The following KIF21A variants were observed in gnomAD, a reference collection of about 807,000 sequenced individuals.
KIF21A encodes the protein kinesin family member 21A, also known as kinesin-like protein KIF21A.
KIF21A carries 114 observed loss-of-function variants against 202.9 expected under a neutral mutation model. The observed-to-expected ratio is 0.56, with a 90% CI of 0.48 to 0.66. The LOEUF (loss-of-function observed/expected upper bound fraction) is 0.66. Ranked by LOEUF, KIF21A falls within the 30% of genes least tolerant of loss-of-function variation. The pLI is 0.00. For missense variants in KIF21A, 1,677 were observed against 1,994.9 expected (o/e 0.84, Z 3.04); for synonymous variants, 667 against 670.8 (o/e 0.99, Z 0.09).
At position 39,320,850 on chromosome 12, in the gene KIF21A, G is replaced by A. The variant is rs138201758; in HGVS notation, c.3672-837C>T. On this transcript the variant is annotated intron_variant, in intron 27 of 37. Coordinates refer to ENST00000361418, the MANE Select transcript of KIF21A (RefSeq NM_001173464.2). ...CTTGGGAGGCTGAGGCAGGAGAATC[G>A]CTTGAAGCCAGGAGGCAGAGACTGC... Among the ~76,000 whole-genome samples, 80 of 142,378 alleles carry A rather than the reference G, an allele frequency of 5.6e-4. No homozygotes were observed. In the East Asian group the frequency reaches 0.015, roughly 27 times the overall value. The allele number at this position is 142,378 out of a possible 152,430, so 93.4% of individuals were successfully genotyped here.
chr12:39,390,782 C>T (rs1460076231), intron 1 of KIF21A, among the ~76,000 whole-genome samples: 1 of 152,056 alleles, frequency 6.6e-6, no homozygotes, highest in Non-Finnish European at 1.5e-5. Flanking sequence ...TCAACAAGTG[C>T]CTACCATATA....
chr12:39,335,699 A>G lies in KIF21A; in HGVS notation c.2418+1397T>C, dbSNP rs540674901. The stretch of plus-strand genomic sequence containing the variant: ...TAATTATATCTCAACTTTTAAAACA[A>G]TAACAAAAAAAGAATAGGCAATATG... On this transcript the variant is annotated intron_variant, in intron 17 of 37. Transcript: ENST00000361418. Among the ~76,000 whole-genome samples, 150 of 152,366 alleles carry G rather than the reference A, an allele frequency of 9.8e-4. 1 individual carries two copies. The highest frequency in any genetic ancestry group is 3.4e-3 in the Middle Eastern group (1 of 294).
At chr12:39,312,481 T>C (rs1053153261) in intron 31 of KIF21A, 2 of 151,854 alleles carry the variant, frequency 1.3e-5, no homozygotes, top group Non-Finnish European at 2.9e-5. Flanking sequence ...TGACTATAGT[T>C]GATAATAATT....
chr12:39,342,547 T>C (rs2138426850), intron 12 of KIF21A, among the ~76,000 whole-genome samples: 1 of 152,338 alleles, frequency 6.6e-6, no homozygotes, highest in South Asian at 2.1e-4. Flanking sequence ...TTTTCACTGA[T>C]GTCCTAATAC....
At chr12:39,303,233 G>T in intron 35 of KIF21A, 98 bp from the exon 36 acceptor site, 13 of 951,254 alleles carry the variant, frequency 1.4e-5, no homozygotes, top group South Asian at 2.8e-5. Flanking sequence ...ATGTTAATCA[G>T]ACATGACTTG....
chr12:39,331,510 G>A (rs966178534), intron 22 of KIF21A, among the ~76,000 whole-genome samples, 180 bp downstream of exon 22: 2 of 152,132 alleles, frequency 1.3e-5, no homozygotes, highest in African/African-American at 4.8e-5. Flanking sequence ...ACATGCTAAT[G>A]AAATTGATCT....
At position 39,309,367 on chromosome 12, in the gene KIF21A, T is replaced by C. The variant is rs537554393; in HGVS notation, c.4277+219A>G. Among the ~76,000 whole-genome samples, 3 of 152,202 alleles carry C rather than the reference T, an allele frequency of 2.0e-5. No individual in the cohort carries two copies. In the East Asian group the frequency reaches 5.8e-4, roughly 29 times the overall value. ...TTAGTCACCGATCAAATATGGCTTA[T>C]CCCTTTCTGTTTAATACCAGGCTCT... On this transcript the variant is annotated intron_variant, in intron 33 of 37. Coordinates refer to ENST00000361418, the MANE Select transcript of KIF21A (RefSeq NM_001173464.2).
chr12:39,326,644 AAC>A (rs1945954775), intron 24 of KIF21A, among the ~76,000 whole-genome samples: 2 of 152,354 alleles, frequency 1.3e-5, no homozygotes, highest in Admixed American at 1.3e-4. Context: ...GTACCATCCA[AAC>A]ATACAATAAT....
rs369621463 is a variant in KIF21A, at chr12:39,332,968, G to A, written c.2627C>T (p.Thr876Ile). 3.7e-5 allele frequency: 59 copies of A among 1,613,984 alleles called. No individual in the cohort carries two copies. Among genetic ancestry groups the A allele is most frequent in the Non-Finnish European group, 4.8e-5 (57 of 1,180,018 alleles). ...AAAVETDASRTGAQQKMRIPV... is the reference protein window; with the variant it reads ...AAAVETDASRIGAQQKMRIPV... ...AATTCTCATTTTCTGCTGGGCTCCT[G>A]TCCTTGATGCATCTGTTTCGACAGC... Residue 876 changes from threonine to isoleucine, a missense_variant, in exon 19 of 38, where the codon ACA (threonine) becomes ATA (isoleucine). Thr to Ile is a moderately conservative substitution (Grantham distance 89, BLOSUM62 -1). Transcript: ENST00000361418.
chr12:39,306,087 A>G (rs544670420), intron 34 of KIF21A, among the ~76,000 whole-genome samples: 132 of 152,248 alleles, frequency 8.7e-4, no homozygotes, highest in African/African-American at 3.0e-3. Context: ...GTAACAATGA[A>G]CCTTCGTTTC....
chr12:39,333,342 T>C (rs1271671223), intron 17 of KIF21A, 62 bp from the exon 18 acceptor site: 28 of 1,186,978 alleles, frequency 2.4e-5, no homozygotes, highest in Non-Finnish European at 3.4e-5. Context: ...TTCCTATTCC[T>C]ATATGAATAT....
At chr12:39,410,675 C>T (rs1337665445) in intron 1 of KIF21A, among the ~76,000 whole-genome samples, 1 of 152,160 alleles carries the variant, frequency 6.6e-6, no homozygotes, top group Non-Finnish European at 1.5e-5. Flanking sequence ...AGACCATATG[C>T]TGAGCCATAA....
At chr12:39,408,651 C>G (rs1231058389) in intron 1 of KIF21A, among the ~76,000 whole-genome samples, 1 of 151,916 alleles carries the variant, frequency 6.6e-6, no homozygotes, top group Non-Finnish European at 1.5e-5. Flanking sequence ...TTGGTTAGCT[C>G]AAAAACAGAT....
At position 39,320,944 on chromosome 12, in the gene KIF21A, A is replaced by AT. The variant is rs1247327854; in HGVS notation, c.3672-932_3672-931insA. On this transcript the variant is annotated intron_variant, in intron 27 of 37. Transcript: ENST00000361418. ...AGCAAGACTCTGCCAAAAAAAAAAA[A>AT]AAAAAAAAAAAAAAAGTCTGGGAAA... Among the ~76,000 whole-genome samples the AT allele has an allele frequency of 2.1e-3, 323 of 150,746 alleles. 1 individual carries two copies. The highest frequency in any genetic ancestry group is 9.9e-3 in the South Asian group (47 of 4,766).
intron 1 of KIF21A, among the ~76,000 whole-genome samples, chr12:39,399,243 A>T (rs1951986593): frequency 2.6e-5 from 4 of 152,220 alleles, no homozygotes; most frequent in Admixed American, 6.5e-5. Flanking sequence ...TGTATTTTGT[A>T]TTATAAGTAA....
chr12:39,331,239 A>AT (rs1314510755), intron 22 of KIF21A, among the ~76,000 whole-genome samples: 1 of 152,184 alleles, frequency 6.6e-6, no homozygotes. Flanking sequence ...GTCAGAAACC[A>AT]TTATCACCTT....
intron 1 of KIF21A, among the ~76,000 whole-genome samples, chr12:39,382,041 C>T (rs1489839581): frequency 6.6e-6 from 1 of 152,124 alleles, no homozygotes; most frequent in Non-Finnish European, 1.5e-5. Context: ...AACTGAATTC[C>T]ACCCCGCACA....
intron 1 of KIF21A, among the ~76,000 whole-genome samples, chr12:39,422,411 CTAA>C (rs1482471566): frequency 1.3e-5 from 2 of 152,106 alleles, no homozygotes; most frequent in African/African-American, 4.8e-5. Context: ...AGCAGCTGTA[CTAA>C]TAATATCAGA....
At chr12:39,409,048 C>G (rs1952854671) in intron 1 of KIF21A, among the ~76,000 whole-genome samples, 2 of 151,774 alleles carry the variant, frequency 1.3e-5, no homozygotes, top group African/African-American at 4.8e-5. Context: ...GTTGCCCAGG[C>G]TGGTCTCTAA....
Sources: gnomAD v4.1 joint callset for allele counts (sites outside exome capture counted in the v4.1 genomes callset) on GRCh38, gnomAD v4.1.1 for gene constraint, MANE v1.5 for transcripts, NCBI Gene and HGNC (gene_info 2026-07-23, HGNC 2026-07-21) for gene names.